Variants in ADGRB3 observed in about 807,000 individuals in gnomAD.
ADGRB3 encodes adhesion G protein-coupled receptor B3, also known as brain-specific angiogenesis inhibitor 3.
Under a neutral mutation model 193.4 loss-of-function variants are expected in ADGRB3, and 37 were observed. The observed-to-expected ratio is 0.19, with a 90% CI of 0.15 to 0.25. ADGRB3 has a LOEUF of 0.25. Ranked by LOEUF, ADGRB3 falls within the 10% of genes least tolerant of loss-of-function variation. ADGRB3 has a pLI of 1.00. For missense variants in ADGRB3, 1,637 were observed against 1,852.9 expected (o/e 0.88, Z 2.14); for synonymous variants, 690 against 644.2 (o/e 1.07, Z -1.08).
intron 17 of ADGRB3, among the ~76,000 whole-genome samples, chr6:69,116,037 G>T (rs981057402): frequency 6.6e-6 from 1 of 152,144 alleles, no homozygotes; most frequent in Non-Finnish European, 1.5e-5. Context: ...AAGAGTTGAA[G>T]TTGCAGTCTT....
intron 17 of ADGRB3, chr6:69,232,731 A>T: frequency 9.8e-7 from 1 of 1,018,188 alleles, no homozygotes; most frequent in Non-Finnish European, 1.4e-6. Flanking sequence ...TGAAATTTTC[A>T]CAGCAGCTAT....
At chr6:69,224,616 T>G (rs1205559328) in intron 17 of ADGRB3, among the ~76,000 whole-genome samples, 1 of 152,204 alleles carries the variant, frequency 6.6e-6, no homozygotes, top group African/African-American at 2.4e-5. Context: ...TTGGAAATCT[T>G]TTTTAATCTA....
chr6:69,201,877 T>A (rs1339759710), intron 17 of ADGRB3, among the ~76,000 whole-genome samples: 2 of 152,146 alleles, frequency 1.3e-5, no homozygotes, highest in Admixed American at 1.3e-4. Context: ...ATATCTTCTG[T>A]TGTCTACCCT....
intron 13 of ADGRB3, among the ~76,000 whole-genome samples, chr6:69,045,033 A>G (rs1771198454): frequency 6.6e-6 from 1 of 152,170 alleles, no homozygotes; most frequent in African/African-American, 2.4e-5. Context: ...ATATTTACTT[A>G]CATGTAGTTT....
chr6:69,332,858 A>C, intron 23 of ADGRB3, 65 bp from the exon 24 acceptor site: 7 of 1,584,946 alleles, frequency 4.4e-6, no homozygotes, highest in Non-Finnish European at 3.4e-6. Context: ...TAGGATTTTC[A>C]GGAGAAACAG....
At chr6:68,834,017 G>T (rs528057358) in intron 3 of ADGRB3, among the ~76,000 whole-genome samples, 2 of 131,496 alleles carry the variant, frequency 1.5e-5, no homozygotes, top group Admixed American at 1.5e-4. Context: ...GCTTACATAT[G>T]TGAGTAATTT....
intron 17 of ADGRB3, chr6:69,232,710 C>G: frequency 8.0e-7 from 1 of 1,252,856 alleles, no homozygotes; most frequent in Non-Finnish European, 1.1e-6. Flanking sequence ...TGCTGCTTCC[C>G]GTTTCCAGGG....
chr6:68,709,459 A>G lies in ADGRB3; in HGVS notation c.757+70027A>G, dbSNP rs535480939. On this transcript the variant is annotated intron_variant, in intron 3 of 31. Coordinates refer to ENST00000370598, the MANE Select transcript of ADGRB3 (RefSeq NM_001704.3). The stretch of plus-strand genomic sequence containing the variant: ...AGATTTAAGAAAATAATTTTACATA[A>G]CAATAGGTAACTTGAATACTAAGTG... 6.2e-4 allele frequency among the ~76,000 whole-genome samples: 95 copies of G among 152,344 alleles called. 1 individual carries two copies. Among genetic ancestry groups the G allele is most frequent in the South Asian group, 2.3e-3 (11 of 4,828 alleles).
chr6:68,827,182 C>A (rs1318716663), intron 3 of ADGRB3, among the ~76,000 whole-genome samples: 1 of 152,080 alleles, frequency 6.6e-6, no homozygotes, highest in East Asian at 1.9e-4. Context: ...TGATATTGAA[C>A]AGCCCTTTAA....
chr6:68,960,733 A>G (rs918440088), intron 8 of ADGRB3, among the ~76,000 whole-genome samples: 4 of 152,252 alleles, frequency 2.6e-5, no homozygotes, highest in African/African-American at 7.2e-5. Context: ...AGTGCTTCCC[A>G]AACTTCAGTG....
At chr6:68,851,934 T>A (rs1768411112) in intron 3 of ADGRB3, among the ~76,000 whole-genome samples, 1 of 151,864 alleles carries the variant, frequency 6.6e-6, no homozygotes, top group Non-Finnish European at 1.5e-5. Context: ...CATGAAATCA[T>A]AGGCAATTTA....
intron 3 of ADGRB3, among the ~76,000 whole-genome samples, chr6:68,746,098 T>C (rs1272810401): frequency 6.6e-6 from 1 of 152,104 alleles, no homozygotes. Context: ...CATTTTTAAA[T>C]GTTAGTGCTG....
Position 69,372,459 on chromosome 6 carries a change from AT to A in ADGRB3, c.4275+22del. 2 of 1,277,256 alleles carry A rather than the reference AT, an allele frequency of 1.6e-6. No homozygotes were observed. The highest frequency in any genetic ancestry group is 2.1e-6 in the Non-Finnish European group (2 of 931,976). 79.1% of individuals were successfully genotyped at this position (1,277,256 alleles called of 1,614,324 possible). On this transcript the variant is annotated intron_variant, in intron 30 of 31. Transcript: ENST00000370598. Reference sequence around the variant, plus strand: ...ACTTTGAGGTAAGTTTATATGAATTATTTTAGAATTGTAATTACTTGAATTC... The same window carrying A: ...ACTTTGAGGTAAGTTTATATGAATTATTTAGAATTGTAATTACTTGAATTC...
At chr6:69,038,460 C>A (rs182561178) in intron 13 of ADGRB3, among the ~76,000 whole-genome samples, 76 of 152,206 alleles carry the variant, frequency 5.0e-4, no homozygotes, top group Non-Finnish European at 7.6e-4. Flanking sequence ...GTCTTACTTT[C>A]TGAGGAAAGA....
rs1242885940 is a variant in ADGRB3, at chr6:68,817,303, CCATG to C, written c.758-113255_758-113252del. On this transcript the variant is annotated intron_variant, in intron 3 of 31. Coordinates refer to ENST00000370598, the MANE Select transcript of ADGRB3 (RefSeq NM_001704.3). ...AAAGGTATTTATTATTCCCTTTTGT[CCATG>C]TATATATATATATATATATATATAT... Among the ~76,000 whole-genome samples the C allele has an allele frequency of 5.1e-3, 168 of 32,748 alleles. 2 individuals carry two copies. Among genetic ancestry groups the C allele is most frequent in the Non-Finnish European group, 9.7e-3 (131 of 13,468 alleles). 21.5% of individuals were successfully genotyped at this position (32,748 alleles called of 152,430 possible). A position where few individuals can be genotyped will look rare whatever the true frequency, so the allele number is the denominator to read the frequency against.
chr6:68,700,756 G>A (rs1315711860), intron 3 of ADGRB3, among the ~76,000 whole-genome samples: 1 of 147,034 alleles, frequency 6.8e-6, no homozygotes, highest in Non-Finnish European at 1.5e-5. Context: ...TCACTCACAG[G>A]TGGGAATTGA....
intron 20 of ADGRB3, among the ~76,000 whole-genome samples, chr6:69,318,861 GTA>G (rs71536460): frequency 0.23 from 33,412 of 147,766 alleles, 4,338 homozygotes; most frequent in African/African-American, 0.35. Context: ...ATGTATAACT[GTA>G]TATATATATA....
Position 69,355,876 on chromosome 6 carries a change from T to C in ADGRB3, c.3595+16T>C. 2 of 1,587,322 alleles carry C rather than the reference T, an allele frequency of 1.3e-6. No individual in the cohort carries two copies. Among genetic ancestry groups the C allele is most frequent in the Non-Finnish European group, 1.7e-6 (2 of 1,157,204 alleles). ...TGTCGATCAGGTAAGAATATTTAGA[T>C]TTTGAAATCTAATCAGTAGGGATGT... On this transcript the variant is annotated intron_variant, in intron 28 of 31. Transcript: ENST00000370598.
At chr6:69,048,932 C>T (rs987138966) in intron 14 of ADGRB3, among the ~76,000 whole-genome samples, 2 of 152,002 alleles carry the variant, frequency 1.3e-5, no homozygotes, top group South Asian at 2.1e-4. Flanking sequence ...AAAGTGACAT[C>T]GTACTCACTT....
Sources: allele counts gnomAD v4.1 joint callset (sites outside exome capture counted in the v4.1 genomes callset), GRCh38; gene constraint gnomAD v4.1.1; transcripts MANE v1.5; gene names NCBI Gene and HGNC (gene_info 2026-07-23, HGNC 2026-07-21).